The following ATG2B variants were observed in gnomAD, a reference collection of about 807,000 sequenced individuals.
The protein encoded by ATG2B is autophagy related 2B, also known as autophagy-related protein 2 homolog B.
A neutral mutation model predicts 241.3 loss-of-function variants in ATG2B; 121 were observed. The ratio of observed to expected loss-of-function variants is 0.50; its 90% CI spans 0.43 to 0.58. ATG2B has a LOEUF of 0.58. Ranked by LOEUF, ATG2B falls within the 20% of genes least tolerant of loss-of-function variation. The probability of loss-of-function intolerance (pLI) is 0.00; values close to 1 mark genes in which losing one functional copy is unlikely to be tolerated. For synonymous variants in ATG2B, 858 were observed against 876.6 expected, an observed-to-expected ratio of 0.98 and a Z score of 0.37; for missense variants, 2,306 against 2,491.6, an observed-to-expected ratio of 0.93 and a Z score of 1.59.
chr14:96,340,969 GTTTAT>G (rs974837831), intron 6 of ATG2B, among the ~76,000 whole-genome samples: 7 of 150,858 alleles, frequency 4.6e-5, no homozygotes, highest in East Asian at 3.9e-4. Context: ...TATTATATAG[GTTTAT>G]TTTATGTCAA....
At position 96,290,170 on chromosome 14, in the gene ATG2B, T is replaced by C; in HGVS notation, c.5856+266A>G. The stretch of plus-strand genomic sequence containing the variant: ...TTTAGCTACGATCCTTTCATACAAA[T>C]ATGGTGAAATCAATCCTCTGCTAAC... On this transcript the variant is annotated intron_variant, in intron 40 of 41. Transcript: ENST00000359933. The surrounding 1 kb of genome is among the most constrained non-coding windows in gnomAD (Gnocchi z 4.4). The C allele has an allele frequency of 7.9e-7, 1 of 1,271,510 alleles. No individual in the cohort carries two copies. Among genetic ancestry groups the C allele is most frequent in the Non-Finnish European group, 1.0e-6 (1 of 1,004,936 alleles). The allele number at this position is 1,271,510 out of a possible 1,614,324, so 78.8% of individuals were successfully genotyped here. A position where few individuals can be genotyped will look rare whatever the true frequency, so the allele number is the denominator to read the frequency against.
rs759466468 is a variant in ATG2B, at chr14:96,347,278, A to T, written c.226T>A (p.Ser76Thr). The T allele has an allele frequency of 1.2e-6, 2 of 1,611,602 alleles. No individual in the cohort carries two copies. The highest frequency in any genetic ancestry group is 1.7e-6 in the Non-Finnish European group (2 of 1,178,124). ...PLEVTEGFIQ[S>T]ISLSVPWGSL... ...CCCCATGGAACTGACAGGGAAATTG[A>T]CTGAATGAATCCTTCAGTGACTTCT... is the stretch of plus-strand genomic sequence containing the variant. The change falls in exon 2 of 42, where the codon TCA becomes ACA. Residue 76 changes from serine to threonine, a missense_variant. Coordinates refer to ENST00000359933, the MANE Select transcript of ATG2B (RefSeq NM_018036.7).
chr14:96,305,540 A>C (rs1450898406), intron 31 of ATG2B, 49 bp downstream of exon 31: 18 of 1,276,312 alleles, frequency 1.4e-5, no homozygotes, highest in Non-Finnish European at 1.9e-5. Context: ...TTTTTCTAAG[A>C]AAAGAATATA....
rs754640484 is a variant in ATG2B, at chr14:96,291,700, G to C, written c.5497-18C>G. The C allele has an allele frequency of 1.9e-6, 3 of 1,574,268 alleles. No individual in the cohort carries two copies. The South Asian group carries it at 3.4e-5, about 18-fold the overall frequency. ...AGCGTACCCTTCAAAATTAAAAAAG[G>C]CCAAATTAACCTTACTGTAAATTAA... is the stretch of plus-strand genomic sequence containing the variant. On this transcript the variant is annotated intron_variant, in intron 37 of 41. Coordinates refer to ENST00000359933, the MANE Select transcript of ATG2B (RefSeq NM_018036.7).
chr14:96,321,306 T>A (rs1467533386), intron 18 of ATG2B, among the ~76,000 whole-genome samples: 3 of 152,208 alleles, frequency 2.0e-5, no homozygotes, highest in Non-Finnish European at 2.9e-5. Flanking sequence ...TGTCTACATG[T>A]AGGAAGCTAG....
intron 1 of ATG2B, among the ~76,000 whole-genome samples, chr14:96,355,329 G>A (rs1340223941): frequency 2.0e-5 from 3 of 151,996 alleles, no homozygotes; most frequent in Non-Finnish European, 2.9e-5. Flanking sequence ...GTAAGGAAGG[G>A]GTCCAGTTTC....
intron 1 of ATG2B, among the ~76,000 whole-genome samples, chr14:96,355,195 C>G (rs576185065): frequency 6.6e-6 from 1 of 152,324 alleles, no homozygotes; most frequent in Non-Finnish European, 1.5e-5. Context: ...GCTTCTTCAT[C>G]ATGAAATCTT....
chr14:96,284,209 T>C lies in ATG2B; in HGVS notation c.*1546A>G, dbSNP rs1886275440. The C allele has an allele frequency of 6.6e-6, 1 of 152,214 alleles. No individual in the cohort carries two copies. The highest frequency in any genetic ancestry group is 2.4e-5 in the African/African-American group (1 of 41,458). The allele number at this position is 152,214 out of a possible 1,614,324, so 9.4% of individuals were successfully genotyped here. A position where few individuals can be genotyped will look rare whatever the true frequency, so the allele number is the denominator to read the frequency against. On this transcript the variant is annotated 3_prime_UTR_variant, in exon 42 of 42. Coordinates refer to ENST00000359933, the MANE Select transcript of ATG2B (RefSeq NM_018036.7). ...CCGGTAACACAGCACGCCTTCCTGTTAGTGTGTCGCCAGGACCAGGCTCTA... is the reference window on the plus strand; with the variant it reads ...CCGGTAACACAGCACGCCTTCCTGTCAGTGTGTCGCCAGGACCAGGCTCTA...
At position 96,343,257 on chromosome 14, in the gene ATG2B, A is replaced by G; in HGVS notation, c.606T>C (p.Ala202=). ...IERTVYCDET[A]DESSGINVHQ... is the part of the protein sequence containing the mutation. ...GCACATTAATTCCTGAGGATTCGTC[A>G]GCAGTTTCATCACAGTACACAGTTC... The change falls in exon 5 of 42, where the codon GCT becomes GCC. Residue 202 remains alanine (A), a synonymous_variant. Transcript: ENST00000359933. The G allele has an allele frequency of 6.2e-7, 1 of 1,607,306 alleles. No individual in the cohort carries two copies. The highest frequency in any genetic ancestry group is 8.5e-7 in the Non-Finnish European group (1 of 1,177,512).
At chr14:96,331,287 G>A in intron 11 of ATG2B, 89 bp downstream of exon 11, 1 of 1,255,492 alleles carries the variant, frequency 8.0e-7, no homozygotes, top group Non-Finnish European at 1.1e-6. Flanking sequence ...CAGATAGGCA[G>A]ATACAAAAGT....
chr14:96,323,972 G>T lies in ATG2B; in HGVS notation c.2464C>A (p.Pro822Thr). ...IGSFQEEKGD[P>T]SIKFFHVSSG... The stretch of plus-strand genomic sequence containing the variant: ...GACACATGGAAAAACTTAATAGATG[G>T]ATCTCCTTTCTCTTCCTGGAACGAT... The change falls in exon 16 of 42, where the codon CCA becomes ACA. Residue 822 changes from proline to threonine, a missense_variant. By Grantham distance (38) the Pro-to-Thr change is conservative. Around this residue, in one of 2 missense-constraint regions of ATG2B, gnomAD observed 1,927 missense variants for 2,011.2 expected, o/e 0.96. Transcript: ENST00000359933. 6.2e-7 allele frequency: 1 copy of T among 1,607,574 alleles called. No individual in the cohort carries two copies. Among genetic ancestry groups the T allele is most frequent in the Non-Finnish European group, 8.5e-7 (1 of 1,177,576 alleles).
Position 96,290,157 on chromosome 14 carries a change from C to T in ATG2B, c.5856+279G>A, listed in dbSNP as rs1015811884. On this transcript the variant is annotated intron_variant, in intron 40 of 41. Transcript: ENST00000359933. The surrounding 1 kb of genome is among the most constrained non-coding windows in gnomAD (Gnocchi z 4.4). Reference sequence around the variant, plus strand: ...CGCCTTCTTCAAATTTAGCTACGATCCTTTCATACAAATATGGTGAAATCA... The same window carrying T: ...CGCCTTCTTCAAATTTAGCTACGATTCTTTCATACAAATATGGTGAAATCA... 2.4e-6 allele frequency: 3 copies of T among 1,258,076 alleles called. No homozygotes were observed. The highest frequency in any genetic ancestry group is 3.0e-6 in the Non-Finnish European group (3 of 997,188). 77.9% of individuals were successfully genotyped at this position (1,258,076 alleles called of 1,614,324 possible).
rs1595291191 is a variant in ATG2B at position 96,290,716 on chromosome 14, T to C, written c.5701+98A>G. Reference sequence around the variant, plus strand: ...TGTGTATATGAGTACATATGTGAGTTTTCTAGACTAATGGTCCTCACATAA... The same window carrying C: ...TGTGTATATGAGTACATATGTGAGTCTTCTAGACTAATGGTCCTCACATAA... On this transcript the variant is annotated intron_variant, in intron 39 of 41. Coordinates refer to ENST00000359933, the MANE Select transcript of ATG2B (RefSeq NM_018036.7). The surrounding 1 kb of genome is among the most constrained non-coding windows in gnomAD (Gnocchi z 4.4). 10 of 1,540,434 alleles carry C rather than the reference T, an allele frequency of 6.5e-6. No individual in the cohort carries two copies. The highest frequency in any genetic ancestry group is 1.7e-4 in the Middle Eastern group (1 of 5,716).
In ATG2B at chr14:96,317,232, T is replaced by C. The variant is rs767585102; in HGVS notation, c.3123A>G (p.Leu1041=). ...TCTGAGAGTTCTTGTTCTGAGAGTC[T>C]AATTTTTTTTTCCTGCGAGAACGAT... ...PNYRSRRKKK[L]DSQNKNSQSF... Residue 1041 remains leucine, a synonymous_variant, in exon 20 of 42, where the codon TTA becomes TTG. Coordinates refer to ENST00000359933, the MANE Select transcript of ATG2B (RefSeq NM_018036.7). 1 of 1,613,626 alleles carries C rather than the reference T, an allele frequency of 6.2e-7. No individual in the cohort carries two copies. The highest frequency in any genetic ancestry group is 2.2e-5 in the East Asian group (1 of 44,850).
intron 28 of ATG2B, among the ~76,000 whole-genome samples, chr14:96,310,419 TAA>T (rs1432903616): frequency 6.6e-6 from 1 of 152,124 alleles, no homozygotes; most frequent in African/African-American, 2.4e-5. Flanking sequence ...TTTCTGTTCA[TAA>T]GAGAGACCAC....
chr14:96,302,827 C>T (rs1028577667), intron 33 of ATG2B, among the ~76,000 whole-genome samples: 1 of 152,164 alleles, frequency 6.6e-6, no homozygotes, highest in Admixed American at 6.5e-5. Context: ...CTAGGGACTT[C>T]TACTTTTCCT....
chr14:96,342,187 G>C (rs1301559324), intron 5 of ATG2B, among the ~76,000 whole-genome samples: 1 of 149,110 alleles, frequency 6.7e-6, no homozygotes, highest in African/African-American at 2.5e-5. Flanking sequence ...CCTCTGTTTT[G>C]ATTGTAAAAA....
intron 15 of ATG2B, chr14:96,324,214 A>G (rs2139872430): frequency 1.9e-6 from 1 of 519,556 alleles, no homozygotes; most frequent in Non-Finnish European, 3.4e-6. Flanking sequence ...TTAAGTACCA[A>G]GGTACACTGC....
chr14:96,331,839 T>A (rs1040776603), intron 10 of ATG2B, among the ~76,000 whole-genome samples: 1 of 152,110 alleles, frequency 6.6e-6, no homozygotes, highest in Non-Finnish European at 1.5e-5. Context: ...AGTACAAGAG[T>A]ACGTGACAAC....
Sources: gnomAD v4.1 joint callset for allele counts (sites outside exome capture counted in the v4.1 genomes callset) on GRCh38, gnomAD v4.1.1 for gene constraint, gnomAD v4.1.1 regional missense constraint, Gnocchi (gnomAD v3.1) non-coding constraint, MANE v1.5 for transcripts, NCBI Gene and HGNC (gene_info 2026-07-23, HGNC 2026-07-21) for gene names.